Variants in DDX10 observed in about 807,000 individuals in gnomAD.
The protein encoded by DDX10 is DEAD-box helicase 10, also known as probable ATP-dependent RNA helicase DDX10.
Under a neutral mutation model 104.3 loss-of-function variants are expected in DDX10, and 74 were observed. That is an observed-to-expected ratio of 0.71 (90% confidence interval 0.59 to 0.86). The LOEUF (loss-of-function observed/expected upper bound fraction) is 0.86. Among genes scored for constraint, DDX10 ranks in the 40% least tolerant of loss-of-function variants. The pLI, the probability that DDX10 is intolerant of heterozygous loss-of-function variation, is 0.00. For synonymous variants in DDX10, 351 were observed against 353.4 expected, an observed-to-expected ratio of 0.99 and a Z score of 0.08; for missense variants, 952 against 1,040.0, an observed-to-expected ratio of 0.92 and a Z score of 1.16.
intron 10 of DDX10, among the ~76,000 whole-genome samples, chr11:108,714,826 A>G (rs1591798900): frequency 6.6e-6 from 1 of 151,980 alleles, no homozygotes; most frequent in Non-Finnish European, 1.5e-5. Context: ...TTTGGGGAGG[A>G]GAGTTGAGGA....
At chr11:108,909,620 G>A (rs1476601815) in intron 16 of DDX10, among the ~76,000 whole-genome samples, 9 of 152,184 alleles carry the variant, frequency 5.9e-5, no homozygotes, top group Non-Finnish European at 1.3e-4. Flanking sequence ...GAACCTGAGA[G>A]GGGCCTGTGG....
chr11:108,806,121 C>T (rs1862096610), intron 13 of DDX10, among the ~76,000 whole-genome samples: 1 of 152,028 alleles, frequency 6.6e-6, no homozygotes, highest in Non-Finnish European at 1.5e-5. Context: ...ACCACCACGC[C>T]CGGCTAGTTT....
At chr11:108,707,851 A>T (rs2094278585) in intron 10 of DDX10, among the ~76,000 whole-genome samples, 1 of 152,242 alleles carries the variant, frequency 6.6e-6, no homozygotes, top group Non-Finnish European at 1.5e-5. Flanking sequence ...TAAGTCTTAT[A>T]ACTAGTGGAT....
chr11:108,914,605 C>T (rs550363427), intron 16 of DDX10, among the ~76,000 whole-genome samples: 1 of 151,958 alleles, frequency 6.6e-6, no homozygotes, highest in Non-Finnish European at 1.5e-5. Context: ...TCTAGTGTTT[C>T]GGTAATATGT....
chr11:108,935,290 C>T (rs1451740902), intron 17 of DDX10, among the ~76,000 whole-genome samples: 1 of 151,992 alleles, frequency 6.6e-6, no homozygotes, highest in African/African-American at 2.4e-5. Context: ...GAAGCTAGGG[C>T]ATATTCAGGG....
chr11:108,932,017 T>C (rs1863981842), intron 17 of DDX10, among the ~76,000 whole-genome samples: 1 of 152,002 alleles, frequency 6.6e-6, no homozygotes, highest in African/African-American at 2.4e-5. Context: ...GTGCTTGTTT[T>C]ATATGTCAGC....
At chr11:108,821,302 C>T (rs1228129297) in intron 13 of DDX10, among the ~76,000 whole-genome samples, 1 of 152,110 alleles carries the variant, frequency 6.6e-6, no homozygotes, top group Non-Finnish European at 1.5e-5. Context: ...ATTTTCTAGT[C>T]TCTCTGGGAT....
intron 15 of DDX10, among the ~76,000 whole-genome samples, chr11:108,842,949 T>C (rs529646102): frequency 2.0e-5 from 3 of 152,322 alleles, no homozygotes; most frequent in African/African-American, 7.2e-5. Flanking sequence ...TTTTCTCCCA[T>C]GTGGAAGTTG....
chr11:108,904,607 T>G (rs1017084257), intron 16 of DDX10, among the ~76,000 whole-genome samples: 1 of 152,132 alleles, frequency 6.6e-6, no homozygotes, highest in Admixed American at 6.6e-5. Flanking sequence ...CTTGGAGAAG[T>G]GATGATAAAT....
At chr11:108,808,827 A>G (rs1350099903) in intron 13 of DDX10, among the ~76,000 whole-genome samples, 1 of 152,190 alleles carries the variant, frequency 6.6e-6, no homozygotes, top group African/African-American at 2.4e-5. Context: ...GGGAAAATAT[A>G]TTTTATTGAA....
chr11:108,827,549 G>A (rs1862412217), intron 13 of DDX10, among the ~76,000 whole-genome samples: 1 of 152,026 alleles, frequency 6.6e-6, no homozygotes, highest in Admixed American at 6.6e-5. Context: ...TGGTAAATAT[G>A]GATATTTTTT....
At chr11:108,864,399 A>T (rs1356719243) in intron 16 of DDX10, among the ~76,000 whole-genome samples, 2 of 151,608 alleles carry the variant, frequency 1.3e-5, no homozygotes. Flanking sequence ...AGTGGTCTAT[A>T]TCCATATATA....
chr11:108,695,486 T>C (rs2094258440), intron 9 of DDX10, among the ~76,000 whole-genome samples: 1 of 152,218 alleles, frequency 6.6e-6, no homozygotes, highest in African/African-American at 2.4e-5. Context: ...ACCTGCCCTG[T>C]GTCCACTTCA....
At position 108,691,976 on chromosome 11, in the gene DDX10, A is replaced by T. The variant is rs1481476851; in HGVS notation, c.1076A>T (p.Asn359Ile). 6.2e-7 allele frequency: 1 copy of T among 1,614,112 alleles called. No homozygotes were observed. Among genetic ancestry groups the T allele is most frequent in the East Asian group, 2.2e-5 (1 of 44,880 alleles). ...CAAATGAGAAGAATGGAAGTCTATA[A>T]TGAGTTTGTCCGTAAGAGAGCTGCA... Reference protein sequence around the residue: ...QQQMRRMEVYNEFVRKRAAVL... With the variant: ...QQQMRRMEVYIEFVRKRAAVL... The change falls in exon 8 of 18, where the codon AAT becomes ATT. Residue 359 changes from asparagine (N) to isoleucine (I), a missense_variant. By Grantham distance (149) the Asn-to-Ile change is moderately radical. Around this residue, in one of 3 missense-constraint regions of DDX10, gnomAD observed 412 missense variants for 479.2 expected, o/e 0.86. Coordinates refer to ENST00000322536, the MANE Select transcript of DDX10 (RefSeq NM_004398.4).
chr11:108,928,848 T>C (rs1337978183), intron 17 of DDX10, among the ~76,000 whole-genome samples: 2 of 152,196 alleles, frequency 1.3e-5, no homozygotes, highest in Non-Finnish European at 2.9e-5. Context: ...TTGATAGGAA[T>C]AAAACTTAAT....
At chr11:108,708,295 A>T (rs1471510900) in intron 10 of DDX10, among the ~76,000 whole-genome samples, 11 of 129,364 alleles carry the variant, frequency 8.5e-5, no homozygotes, top group Admixed American at 2.4e-4. Flanking sequence ...AGATCATGTG[A>T]TTTTTTTTTT....
At chr11:108,775,403 G>A (rs776044201) in intron 13 of DDX10, among the ~76,000 whole-genome samples, 8 of 152,118 alleles carry the variant, frequency 5.3e-5, no homozygotes, top group Non-Finnish European at 1.0e-4. Context: ...TGATATACCC[G>A]TCTGTTCAAT....
In DDX10 at chr11:108,797,405, G is replaced by A. The variant is rs567647140; in HGVS notation, c.1966-41041G>A. ...CGCAAAATGGAGTAAAACAATATTTGCATCTGATTTAGGGCATTCTTTTAA... is the reference window on the plus strand; with the variant it reads ...CGCAAAATGGAGTAAAACAATATTTACATCTGATTTAGGGCATTCTTTTAA... On this transcript the variant is annotated intron_variant, in intron 13 of 17. Coordinates refer to ENST00000322536, the MANE Select transcript of DDX10 (RefSeq NM_004398.4). Among the ~76,000 whole-genome samples, 5 of 152,298 alleles carry A rather than the reference G, an allele frequency of 3.3e-5. 1 individual carries two copies. In the South Asian group the frequency reaches 1.0e-3, roughly 32 times the overall value.
At chr11:108,718,880 A>G (rs1028077592) in intron 11 of DDX10, among the ~76,000 whole-genome samples, 2 of 152,360 alleles carry the variant, frequency 1.3e-5, no homozygotes, top group South Asian at 2.1e-4. Flanking sequence ...TTTTATGCCT[A>G]TGGAGACAGA....
Sources: allele counts gnomAD v4.1 joint callset (sites outside exome capture counted in the v4.1 genomes callset), GRCh38; gene constraint gnomAD v4.1.1; regional missense constraint gnomAD v4.1.1; transcripts MANE v1.5; gene names NCBI Gene and HGNC (gene_info 2026-07-23, HGNC 2026-07-21).